GPAT4: variants seen among roughly 807,000 people sequenced by gnomAD.
GPAT4 encodes 1-AGP acyltransferase 6.
GPAT4 carries 17 observed loss-of-function variants against 58.0 expected under a neutral mutation model. That is an observed-to-expected ratio of 0.29 (90% confidence interval 0.20 to 0.44). The LOEUF (loss-of-function observed/expected upper bound fraction) is 0.44. Ranked by LOEUF, GPAT4 falls within the 20% of genes least tolerant of loss-of-function variation. The pLI is 1.00. For missense variants in GPAT4, 377 were observed against 574.5 expected, an observed-to-expected ratio of 0.66 and a Z score of 3.51; for synonymous variants, 204 against 210.1, an observed-to-expected ratio of 0.97 and a Z score of 0.25.
intron 10 of GPAT4, among the ~76,000 whole-genome samples, chr8:41,618,230 C>T (rs1242866665): frequency 6.6e-6 from 1 of 152,092 alleles, no homozygotes; most frequent in Non-Finnish European, 1.5e-5. Context: ...AAGAAAATAT[C>T]TTTATTTGGG....
intron 2 of GPAT4, among the ~76,000 whole-genome samples, chr8:41,600,859 C>G (rs1803068320): frequency 6.6e-6 from 1 of 152,094 alleles, no homozygotes; most frequent in Admixed American, 6.6e-5. Flanking sequence ...CAAATATGCC[C>G]TTTTGTGTCT....
chr8:41,619,079 G>C, intron 12 of GPAT4, 102 bp downstream of exon 12: 4 of 1,400,118 alleles, frequency 2.9e-6, no homozygotes. Flanking sequence ...AATTAAACTT[G>C]TCAGCTCTAG....
At chr8:41,606,007 G>T (rs151125162) in intron 2 of GPAT4, among the ~76,000 whole-genome samples, 1,822 of 152,312 alleles carry the variant, frequency 0.012, 24 homozygotes, top group Non-Finnish European at 0.017. Flanking sequence ...AGGCAGCTGG[G>T]TGAGAGCATC....
chr8:41,617,422 C>G (rs1297125087), intron 10 of GPAT4, among the ~76,000 whole-genome samples: 5 of 152,100 alleles, frequency 3.3e-5, no homozygotes, highest in African/African-American at 1.2e-4. Flanking sequence ...TGATCATACA[C>G]ATTGCTTAGT....
At chr8:41,615,199 G>A (rs1803559795) in intron 10 of GPAT4, 151 bp downstream of exon 10, 2 of 664,914 alleles carry the variant, frequency 3.0e-6, no homozygotes, top group Admixed American at 5.6e-5. Flanking sequence ...TGGGTCAAGT[G>A]CTGCCGGAGG....
Position 41,614,945 on chromosome 8 carries a change from T to C in GPAT4, c.968-18T>C. 1.9e-6 allele frequency: 3 copies of C among 1,605,136 alleles called. No homozygotes were observed. The highest frequency in any genetic ancestry group is 2.6e-6 in the Non-Finnish European group (3 of 1,171,874). ...AAGGGCCAACAGAAATAGCATTTTA[T>C]TGTCTCCTGCATTTTAGGAACCTGC... On this transcript the variant is annotated intron_variant, in intron 9 of 12. Transcript: ENST00000396987.
chr8:41,608,021 A>C (rs193179097), intron 2 of GPAT4, among the ~76,000 whole-genome samples: 80 of 152,290 alleles, frequency 5.3e-4, no homozygotes, highest in Non-Finnish European at 1.1e-3. Context: ...TTTAGGTATT[A>C]TATTAACATT....
rs576738852 is a variant in GPAT4, at chr8:41,621,259, G to A, written c.*258G>A. 3.9e-5 allele frequency: 20 copies of A among 517,300 alleles called. No individual in the cohort carries two copies. The highest frequency in any genetic ancestry group is 1.4e-4 in the South Asian group (6 of 43,470). 32.0% of individuals were successfully genotyped at this position (517,300 alleles called of 1,614,324 possible). A position where few individuals can be genotyped will look rare whatever the true frequency, so the allele number is the denominator to read the frequency against. The stretch of plus-strand genomic sequence containing the variant: ...TGCCTTGTTTCTTTTACAATAAGTC[G>A]TTGGAGGAATGCCATTAAAGTGAAC... On this transcript the variant is annotated 3_prime_UTR_variant, in exon 13 of 13. Transcript: ENST00000396987.
At position 41,623,588 on chromosome 8, in the gene GPAT4, C is replaced by T. The variant is rs1438251560; in HGVS notation, c.*2587C>T. The T allele has an allele frequency of 1.3e-5, 2 of 152,220 alleles. No individual in the cohort carries two copies. The highest frequency in any genetic ancestry group is 4.8e-5 in the African/African-American group (2 of 41,450). The allele number at this position is 152,220 out of a possible 1,614,324, so 9.4% of individuals were successfully genotyped here. ...CCTCTGAATTCTCTGTTTTTAAGCC[C>T]ATAGTTCAAACTTTGGCTTTGATCT... On this transcript the variant is annotated 3_prime_UTR_variant, in exon 13 of 13. Transcript: ENST00000396987.
chr8:41,596,403 C>CAA lies in GPAT4; in HGVS notation c.-848-1885_-848-1884dup, dbSNP rs138022137. 4.8e-3 allele frequency among the ~76,000 whole-genome samples: 727 copies of CAA among 152,316 alleles called. 10 individuals are homozygous for CAA. Among genetic ancestry groups the CAA allele is most frequent in the African/African-American group, 0.017 (706 of 41,560 alleles). On this transcript the variant is annotated intron_variant, in intron 1 of 12. Transcript: ENST00000396987. ...AAGTATCAAGCAATCCAAGTTAAGT[C>CAA]AAAAACAAAAGCCAAAGTACCCGTA...
chr8:41,610,962 C>T, intron 5 of GPAT4, 152 bp downstream of exon 5: 1 of 766,188 alleles, frequency 1.3e-6, no homozygotes, highest in Non-Finnish European at 1.9e-6. Context: ...CACGGTGGCT[C>T]ATGCCTGTAA....
chr8:41,612,907 A>G lies in GPAT4; in HGVS notation c.858A>G (p.Pro286=), dbSNP rs200257329. ...VIQRAMVKAC[P]HVWFERSEVK... ...AGAGAGCCATGGTGAAGGCCTGCCC[A>G]CACGTCTGGTTTGAGCGCTCGGAAG... The change falls in exon 8 of 13, where the codon CCA becomes CCG. Residue 286 remains proline (P), a synonymous_variant. Coordinates refer to ENST00000396987, the MANE Select transcript of GPAT4 (RefSeq NM_178819.4). The G allele has an allele frequency of 8.1e-6, 13 of 1,614,148 alleles. No individual in the cohort carries two copies. The East Asian group carries it at 2.2e-4, about 28-fold the overall frequency.
At chr8:41,601,894 T>C (rs1803110209) in intron 2 of GPAT4, among the ~76,000 whole-genome samples, 2 of 152,210 alleles carry the variant, frequency 1.3e-5, no homozygotes, top group African/African-American at 4.8e-5. Flanking sequence ...CCTGCAGTCT[T>C]GAACCAACAG....
intron 12 of GPAT4, 110 bp downstream of exon 12, chr8:41,619,087 T>G (rs1803679335): frequency 7.5e-7 from 1 of 1,328,290 alleles, no homozygotes; most frequent in Non-Finnish European, 1.1e-6. Context: ...TTGTCAGCTC[T>G]AGAGAGAGCA....
intron 1 of GPAT4, among the ~76,000 whole-genome samples, chr8:41,596,767 A>G (rs1802945765): frequency 1.3e-5 from 2 of 152,222 alleles, no homozygotes; most frequent in African/African-American, 4.8e-5. Flanking sequence ...CAAGAAATGC[A>G]ACAGGACTAG....
At chr8:41,613,453 T>C (rs960698814) in intron 8 of GPAT4, among the ~76,000 whole-genome samples, 2 of 152,176 alleles carry the variant, frequency 1.3e-5, no homozygotes, top group South Asian at 4.1e-4. Flanking sequence ...CTTTTTTTAA[T>C]TCATTGTACC....
chr8:41,591,801 A>G (rs889268245), intron 1 of GPAT4, among the ~76,000 whole-genome samples: 1 of 152,212 alleles, frequency 6.6e-6, no homozygotes, highest in African/African-American at 2.4e-5. Flanking sequence ...TTGATCATCT[A>G]TGTGTAGACA....
chr8:41,587,564 T>G (rs774637362), intron 1 of GPAT4, among the ~76,000 whole-genome samples: 1 of 152,224 alleles, frequency 6.6e-6, no homozygotes, highest in Admixed American at 6.5e-5. Context: ...CATTTGGGGC[T>G]GGACAGTTCC....
chr8:41,580,556 T>TG (rs1802484583), intron 1 of GPAT4, among the ~76,000 whole-genome samples: 1 of 152,204 alleles, frequency 6.6e-6, no homozygotes, highest in African/African-American at 2.4e-5. Flanking sequence ...ACCCTTAAAA[T>TG]GGGGATATTC....
Sources: allele counts gnomAD v4.1 joint callset (sites outside exome capture counted in the v4.1 genomes callset), GRCh38; gene constraint gnomAD v4.1.1; transcripts MANE v1.5; gene names NCBI Gene and HGNC (gene_info 2026-07-23, HGNC 2026-07-21).